ESRRG: variants seen among roughly 807,000 people sequenced by gnomAD.
ESRRG encodes estrogen-related receptor gamma.
A neutral mutation model predicts 44.0 loss-of-function variants in ESRRG; 13 were observed. That is an observed-to-expected ratio of 0.30 (90% CI 0.19 to 0.47). ESRRG has a LOEUF of 0.47. Among genes scored for constraint, ESRRG ranks in the 20% least tolerant of loss-of-function variants. ESRRG has a pLI of 1.00. For missense variants in ESRRG, 395 were observed against 580.6 expected, an observed-to-expected ratio of 0.68 and a Z score of 3.29; for synonymous variants, 215 against 214.6, an observed-to-expected ratio of 1.00 and a Z score of -0.02.
chr1:217,132,285 T>C (rs1214340107), intron 1 of ESRRG, among the ~76,000 whole-genome samples: 2 of 152,126 alleles, frequency 1.3e-5, no homozygotes, highest in Non-Finnish European at 2.9e-5. Flanking sequence ...GTGTGACACC[T>C]TGAGCTAGGC....
At chr1:217,036,892 G>A (rs1230272675) in intron 1 of ESRRG, among the ~76,000 whole-genome samples, 1 of 151,832 alleles carries the variant, frequency 6.6e-6, no homozygotes, top group African/African-American at 2.4e-5. Context: ...TCAGCAGCGT[G>A]ACACTTCCCT....
chr1:217,100,863 C>T (rs768011242), intron 1 of ESRRG, among the ~76,000 whole-genome samples: 3 of 152,204 alleles, frequency 2.0e-5, no homozygotes, highest in Non-Finnish European at 4.4e-5. Flanking sequence ...ATGATCCAAA[C>T]ACCTCCCACC....
chr1:216,507,050 T>C lies in ESRRG; in HGVS notation c.1266A>G (p.Pro422=). Residue 422 remains proline, a synonymous_variant, in exon 7 of 7, where the codon CCA becomes CCG. Transcript: ENST00000408911. ...RRAGKMLMTL[P]LLRQTSTKAV... ...CCTTGGTAGAGGTCTGCCTCAGGAG[T>C]GGCAGTGTCATCAGCATCTTGCCAG... 6.2e-7 allele frequency: 1 copy of C among 1,613,982 alleles called. No individual in the cohort carries two copies. The highest frequency in any genetic ancestry group is 8.5e-7 in the Non-Finnish European group (1 of 1,179,956).
chr1:216,593,039 T>C (rs1391147175), intron 3 of ESRRG, among the ~76,000 whole-genome samples: 8 of 152,218 alleles, frequency 5.3e-5, no homozygotes, highest in Non-Finnish European at 5.9e-5. Flanking sequence ...CACAGCTGTC[T>C]TCCCTACATA....
At chr1:216,544,559 C>T (rs1371687507) in intron 5 of ESRRG, among the ~76,000 whole-genome samples, 2 of 152,106 alleles carry the variant, frequency 1.3e-5, no homozygotes, top group Admixed American at 6.6e-5. Context: ...TTCATGCAGG[C>T]TCCCTTACTT....
chr1:216,638,683 C>T (rs900203851), intron 3 of ESRRG, among the ~76,000 whole-genome samples: 2 of 152,192 alleles, frequency 1.3e-5, no homozygotes, highest in Non-Finnish European at 2.9e-5. Flanking sequence ...GGATCATAAA[C>T]TCCACAAGGA....
intron 1 of ESRRG, among the ~76,000 whole-genome samples, chr1:216,689,320 C>G (rs891154657): frequency 2.6e-5 from 4 of 152,078 alleles, no homozygotes; most frequent in Non-Finnish European, 4.4e-5. Flanking sequence ...GGCTCACTAC[C>G]TAAGTTTCCT....
intron 1 of ESRRG, among the ~76,000 whole-genome samples, chr1:217,006,450 AG>A (rs1188650000): frequency 6.6e-6 from 1 of 152,146 alleles, no homozygotes; most frequent in African/African-American, 2.4e-5. Flanking sequence ...TAAGTCTCAC[AG>A]GCTGTGTGGA....
intron 5 of ESRRG, among the ~76,000 whole-genome samples, chr1:216,542,072 C>CAGAGAGAGAGAGAGAG (rs3040899): frequency 9.6e-4 from 134 of 139,932 alleles, no homozygotes; most frequent in Non-Finnish European, 1.1e-3. Flanking sequence ...GTGTCTATGA[C>CAGAGAGAGAGAGAGAG]AGAGAGAGAG....
At chr1:216,589,579 A>T (rs1234885805) in intron 3 of ESRRG, among the ~76,000 whole-genome samples, 2 of 152,126 alleles carry the variant, frequency 1.3e-5, no homozygotes, top group Non-Finnish European at 2.9e-5. Context: ...CTAAGAAAGG[A>T]TGGAGAAAAT....
intron 1 of ESRRG, chr1:216,686,228 A>T (rs186399182): frequency 2.0e-4 from 30 of 152,178 alleles, no homozygotes; most frequent in African/African-American, 7.0e-4. Context: ...GAGGAGGGGA[A>T]CTCAGCTAAT....
At chr1:216,783,896 G>A (rs1465567191) in intron 2 of ESRRG, among the ~76,000 whole-genome samples, 1 of 152,026 alleles carries the variant, frequency 6.6e-6, no homozygotes, top group East Asian at 1.9e-4. Flanking sequence ...CGAAGAATTA[G>A]AATAAAAAGA....
chr1:216,835,410 A>G (rs911137903), intron 2 of ESRRG, among the ~76,000 whole-genome samples: 4 of 152,206 alleles, frequency 2.6e-5, no homozygotes, highest in Non-Finnish European at 5.9e-5. Context: ...ATTTGAACAC[A>G]GTTTGAACAC....
intron 3 of ESRRG, among the ~76,000 whole-genome samples, chr1:216,615,036 A>T (rs1248295651): frequency 1.3e-5 from 2 of 152,222 alleles, no homozygotes; most frequent in Non-Finnish European, 2.9e-5. Context: ...GAAAAATTCA[A>T]GAGACTGATT....
At chr1:217,078,723 T>C (rs1333244870) in intron 1 of ESRRG, among the ~76,000 whole-genome samples, 1 of 152,222 alleles carries the variant, frequency 6.6e-6, no homozygotes, top group African/African-American at 2.4e-5. Flanking sequence ...ATCAGGATTT[T>C]TTAAAATGCA....
At chr1:216,782,997 C>A (rs868188063) in intron 2 of ESRRG, among the ~76,000 whole-genome samples, 1 of 151,820 alleles carries the variant, frequency 6.6e-6, no homozygotes, top group South Asian at 2.1e-4. Flanking sequence ...TTATAAATAG[C>A]CTCATGTGTA....
chr1:216,560,273 G>A (rs544457222), intron 5 of ESRRG, among the ~76,000 whole-genome samples: 1 of 151,984 alleles, frequency 6.6e-6, no homozygotes, highest in African/African-American at 2.4e-5. Context: ...ATGTAACTGA[G>A]GCCCCCCAAA....
At chr1:216,597,988 C>T (rs537012140) in intron 3 of ESRRG, among the ~76,000 whole-genome samples, 7 of 152,274 alleles carry the variant, frequency 4.6e-5, no homozygotes, top group Admixed American at 3.9e-4. Context: ...CCCATATAGG[C>T]TTTTCCCTTC....
chr1:216,633,989 A>G (rs992207627), intron 3 of ESRRG, among the ~76,000 whole-genome samples: 2 of 152,216 alleles, frequency 1.3e-5, no homozygotes, highest in Non-Finnish European at 2.9e-5. Context: ...ACCTAATTAC[A>G]GTTATTGATG....
Sources: gnomAD v4.1 joint callset for allele counts (sites outside exome capture counted in the v4.1 genomes callset) on GRCh38, gnomAD v4.1.1 for gene constraint, MANE v1.5 for transcripts, NCBI Gene and HGNC (gene_info 2026-07-23, HGNC 2026-07-21) for gene names.